GNA14: variants seen among roughly 807,000 people sequenced by gnomAD.
GNA14 encodes the protein guanine nucleotide-binding protein subunit alpha-14.
Under a neutral mutation model 42.0 loss-of-function variants are expected in GNA14, and 50 were observed. That is an observed-to-expected ratio of 1.19 (90% CI 0.95 to 1.51). The LOEUF is 1.51. Among genes scored for constraint, GNA14 ranks in the 40% most tolerant of loss-of-function variants. GNA14 has a pLI of 0.00. For missense variants in GNA14, 473 were observed against 446.2 expected (o/e 1.06, Z -0.54); for synonymous variants, 173 against 163.1 (o/e 1.06, Z -0.46).
intron 1 of GNA14, among the ~76,000 whole-genome samples, chr9:77,611,871 C>T (rs1823739762): frequency 6.6e-6 from 1 of 152,102 alleles, no homozygotes; most frequent in African/African-American, 2.4e-5. Context: ...ACTGACTTAC[C>T]ATTGTGGACA....
intron 1 of GNA14, among the ~76,000 whole-genome samples, chr9:77,641,482 G>A (rs1824267081): frequency 6.6e-6 from 1 of 151,526 alleles, no homozygotes; most frequent in Non-Finnish European, 1.5e-5. Context: ...GGACACAACA[G>A]CACGTATCCA....
intron 1 of GNA14, among the ~76,000 whole-genome samples, chr9:77,545,107 C>T (rs373083055): frequency 6.6e-6 from 1 of 152,104 alleles, no homozygotes; most frequent in East Asian, 1.9e-4. Context: ...ACTTAAAATC[C>T]TTAAGCCTCA....
At chr9:77,528,932 C>A in intron 2 of GNA14, 137 bp downstream of exon 2, 2 of 724,986 alleles carry the variant, frequency 2.8e-6, no homozygotes. Context: ...TCCTTAAACT[C>A]CTCTCAGTGA....
intron 2 of GNA14, among the ~76,000 whole-genome samples, chr9:77,509,829 T>G (rs1837131105): frequency 6.6e-6 from 1 of 152,172 alleles, no homozygotes; most frequent in Non-Finnish European, 1.5e-5. Flanking sequence ...CAAGATCCAG[T>G]GGAAACCAAA....
At chr9:77,595,846 C>CA (rs1165651529) in intron 1 of GNA14, among the ~76,000 whole-genome samples, 3 of 151,938 alleles carry the variant, frequency 2.0e-5, no homozygotes, top group East Asian at 1.9e-4. Flanking sequence ...GGGATGTTTT[C>CA]AAAAAACAAG....
At chr9:77,487,639 AC>A (rs1171129226) in intron 2 of GNA14, among the ~76,000 whole-genome samples, 1 of 152,188 alleles carries the variant, frequency 6.6e-6, no homozygotes, top group Non-Finnish European at 1.5e-5. Context: ...CTGAGTCCTA[AC>A]CCAACACAAG....
intron 1 of GNA14, among the ~76,000 whole-genome samples, chr9:77,586,974 TG>T (rs770970997): frequency 4.6e-5 from 5 of 109,628 alleles, no homozygotes; most frequent in African/African-American, 1.4e-4. Flanking sequence ...TTTTACAGGC[TG>T]GTTTTTTTTT....
At chr9:77,531,043 G>A (rs1837520800) in intron 1 of GNA14, among the ~76,000 whole-genome samples, 1 of 152,156 alleles carries the variant, frequency 6.6e-6, no homozygotes, top group African/African-American at 2.4e-5. Context: ...AGTTAGCCCT[G>A]CCTGCTTTAG....
intron 2 of GNA14, among the ~76,000 whole-genome samples, chr9:77,454,895 G>C (rs1374563334): frequency 6.6e-6 from 1 of 152,176 alleles, no homozygotes; most frequent in Non-Finnish European, 1.5e-5. Flanking sequence ...TAGATGTTCT[G>C]GATTTTATTT....
chr9:77,517,468 C>A (rs1587812587), intron 2 of GNA14: 2 of 151,824 alleles, frequency 1.3e-5, no homozygotes, highest in East Asian at 1.9e-4. Flanking sequence ...AAAGAGGTAT[C>A]ATCAGCAGGA....
At chr9:77,551,960 T>G (rs80250883) in intron 1 of GNA14, among the ~76,000 whole-genome samples, 2,085 of 151,186 alleles carry the variant, frequency 0.014, 53 homozygotes, top group African/African-American at 0.047. Flanking sequence ...GCCAACGTGG[T>G]GAAATCCTGT....
chr9:77,520,590 G>C (rs895412655), intron 2 of GNA14, among the ~76,000 whole-genome samples: 11 of 152,248 alleles, frequency 7.2e-5, no homozygotes, highest in Admixed American at 4.6e-4. Flanking sequence ...ATTTGAGATG[G>C]AGTCTTGCTC....
intron 1 of GNA14, among the ~76,000 whole-genome samples, chr9:77,575,007 A>G (rs1390686134): frequency 6.6e-6 from 1 of 152,214 alleles, no homozygotes; most frequent in African/African-American, 2.4e-5. Context: ...GGGGAAGTAA[A>G]TAAGGTTGCC....
intron 1 of GNA14, among the ~76,000 whole-genome samples, chr9:77,612,811 G>T (rs1159584477): frequency 6.6e-6 from 1 of 152,098 alleles, no homozygotes; most frequent in Non-Finnish European, 1.5e-5. Flanking sequence ...GGACTTGGCA[G>T]TTAAAAAATT....
chr9:77,588,613 G>T (rs1823341757), intron 1 of GNA14, among the ~76,000 whole-genome samples: 1 of 152,166 alleles, frequency 6.6e-6, no homozygotes, highest in Non-Finnish European at 1.5e-5. Flanking sequence ...AGACTGAACA[G>T]AGAGGAGCAA....
intron 1 of GNA14, among the ~76,000 whole-genome samples, chr9:77,576,502 T>C (rs983890383): frequency 1.3e-5 from 2 of 152,302 alleles, no homozygotes; most frequent in South Asian, 4.1e-4. Context: ...TCTTATGCTA[T>C]ATAACAATAC....
intron 1 of GNA14, among the ~76,000 whole-genome samples, chr9:77,641,097 GGGGGAAGGAAGGA>G (rs1564073557): frequency 4.4e-5 from 1 of 22,502 alleles, no homozygotes; most frequent in Non-Finnish European, 6.8e-5. Flanking sequence ...GAGGGGAGGG[GGGGGAAGGAAGGA>G]AGGAAGGAAG....
At chr9:77,633,954 C>G (rs866909159) in intron 1 of GNA14, among the ~76,000 whole-genome samples, 2 of 152,114 alleles carry the variant, frequency 1.3e-5, no homozygotes, top group African/African-American at 2.4e-5. Flanking sequence ...TTAATATTGC[C>G]TTTTCCATTA....
intron 1 of GNA14, among the ~76,000 whole-genome samples, chr9:77,584,863 T>TATAGG (rs1823279596): frequency 6.6e-6 from 1 of 152,104 alleles, no homozygotes; most frequent in South Asian, 2.1e-4. Context: ...TAGGGTAACT[T>TATAGG]CCTGATGTTG....
Sources: allele counts gnomAD v4.1 joint callset (sites outside exome capture counted in the v4.1 genomes callset), GRCh38; gene constraint gnomAD v4.1.1; transcripts MANE v1.5; gene names NCBI Gene and HGNC (gene_info 2026-07-23, HGNC 2026-07-21).